The following GPC5 variants were observed in gnomAD, a reference collection of about 807,000 sequenced individuals.
GPC5 encodes the protein glypican-5.
A neutral mutation model predicts 53.9 loss-of-function variants in GPC5; 47 were observed. The ratio of observed to expected loss-of-function variants is 0.87; its 90% CI spans 0.69 to 1.11. The LOEUF (loss-of-function observed/expected upper bound fraction) is 1.11, where lower values mean the gene tolerates loss of function less well. Among genes scored for constraint, GPC5 ranks in the 50% most tolerant of loss-of-function variants. The pLI is 0.00. For missense variants in GPC5, 748 were observed against 713.1 expected, an observed-to-expected ratio of 1.05 and a Z score of -0.56; for synonymous variants, 286 against 263.3, an observed-to-expected ratio of 1.09 and a Z score of -0.84.
chr13:92,054,032 CAAAT>C (rs56703718), intron 6 of GPC5, among the ~76,000 whole-genome samples: 57,593 of 142,300 alleles, frequency 0.4, 12,420 homozygotes, highest in East Asian at 0.6. Flanking sequence ...AATTCCATTT[CAAAT>C]AAATAAATAA....
rs1566291628 is a variant in GPC5, at chr13:91,831,025, T to A, written c.1280+74605T>A. ...TATATCCTATTATATATATAACATATATATCCTATTATATATATTATATAT... is the reference window on the plus strand; with the variant it reads ...TATATCCTATTATATATATAACATAAATATCCTATTATATATATTATATAT... On this transcript the variant is annotated intron_variant, in intron 5 of 7. Coordinates refer to ENST00000377067, the MANE Select transcript of GPC5 (RefSeq NM_004466.6). Among the ~76,000 whole-genome samples, 3 of 138,624 alleles carry A rather than the reference T, an allele frequency of 2.2e-5. No individual in the cohort carries two copies. In the Admixed American group the frequency reaches 2.4e-4, roughly 11 times the overall value. 90.9% of individuals were successfully genotyped at this position (138,624 alleles called of 152,430 possible).
At chr13:91,530,007 C>T (rs1886264537) in intron 2 of GPC5, among the ~76,000 whole-genome samples, 1 of 152,090 alleles carries the variant, frequency 6.6e-6, no homozygotes, top group African/African-American at 2.4e-5. Flanking sequence ...GCTAAGCTCT[C>T]AAGTCTTCAG....
intron 5 of GPC5, among the ~76,000 whole-genome samples, chr13:91,820,689 C>A (rs367870223): frequency 6.6e-6 from 1 of 152,110 alleles, no homozygotes; most frequent in East Asian, 1.9e-4. Context: ...CAGGGCCGGG[C>A]GCGGTGGCTC....
At chr13:91,771,785 A>G (rs955970666) in intron 5 of GPC5, among the ~76,000 whole-genome samples, 1 of 152,236 alleles carries the variant, frequency 6.6e-6, no homozygotes, top group Non-Finnish European at 1.5e-5. Flanking sequence ...GAATCATCAT[A>G]TATTTTTACA....
At chr13:91,527,286 G>T (rs983321533) in intron 2 of GPC5, among the ~76,000 whole-genome samples, 1 of 152,190 alleles carries the variant, frequency 6.6e-6, no homozygotes, top group African/African-American at 2.4e-5. Flanking sequence ...AAATGTTCCT[G>T]TTCCAAATGA....
At chr13:92,480,242 A>G (rs1411289654) in intron 7 of GPC5, among the ~76,000 whole-genome samples, 1 of 152,210 alleles carries the variant, frequency 6.6e-6, no homozygotes, top group Admixed American at 6.5e-5. Context: ...TAAGATTTGT[A>G]TGGAGTTCAG....
At chr13:92,410,462 T>C (rs1476274163) in intron 7 of GPC5, among the ~76,000 whole-genome samples, 4 of 152,222 alleles carry the variant, frequency 2.6e-5, no homozygotes, top group Non-Finnish European at 5.9e-5. Flanking sequence ...TGAGGACAAC[T>C]GTACTACCAG....
intron 3 of GPC5, among the ~76,000 whole-genome samples, chr13:91,721,733 T>G (rs1227132944): frequency 1.3e-5 from 2 of 152,116 alleles, no homozygotes; most frequent in African/African-American, 4.8e-5. Context: ...GCATATAAAG[T>G]TTTTCCCTGT....
chr13:92,441,223 C>T (rs1223572136), intron 7 of GPC5, among the ~76,000 whole-genome samples: 1 of 152,170 alleles, frequency 6.6e-6, no homozygotes, highest in Non-Finnish European at 1.5e-5. Flanking sequence ...TGTGCACCAC[C>T]ACACCTGGCT....
intron 7 of GPC5, among the ~76,000 whole-genome samples, chr13:92,825,670 C>T (rs1465438029): frequency 6.6e-6 from 1 of 152,028 alleles, no homozygotes; most frequent in Non-Finnish European, 1.5e-5. Flanking sequence ...TTATATATGA[C>T]TTATTTAATT....
chr13:92,298,496 T>A (rs2043053837), intron 7 of GPC5, among the ~76,000 whole-genome samples: 2 of 152,216 alleles, frequency 1.3e-5, no homozygotes, highest in South Asian at 4.1e-4. Context: ...CGCAGGGATT[T>A]TCCCGCTGCT....
intron 7 of GPC5, among the ~76,000 whole-genome samples, chr13:92,573,016 CG>C (rs2139043120): frequency 6.6e-6 from 1 of 152,252 alleles, no homozygotes; most frequent in South Asian, 2.1e-4. Flanking sequence ...GGCTTTGATG[CG>C]ATCAATTTAA....
rs534183385 is a variant in GPC5, at chr13:91,685,232, G to C, written c.326-7955G>C. Among the ~76,000 whole-genome samples, 16 of 152,270 alleles carry C rather than the reference G, an allele frequency of 1.1e-4. No homozygotes were observed. In the South Asian group the frequency reaches 3.3e-3, roughly 32 times the overall value. ...AAGTGGGGGAGTCTCTGGAGCCCAG[G>C]CAGTTGAGGCTGCAGTGAGCCGAGA... On this transcript the variant is annotated intron_variant, in intron 2 of 7. Coordinates refer to ENST00000377067, the MANE Select transcript of GPC5 (RefSeq NM_004466.6).
intron 7 of GPC5, among the ~76,000 whole-genome samples, chr13:92,183,899 A>G (rs1035868813): frequency 3.9e-5 from 6 of 152,056 alleles, no homozygotes; most frequent in Non-Finnish European, 5.9e-5. Flanking sequence ...CATTTAGTTT[A>G]CCAATTTTCT....
chr13:91,619,943 A>G lies in GPC5; in HGVS notation c.326-73244A>G, dbSNP rs530479104. On this transcript the variant is annotated intron_variant, in intron 2 of 7. Transcript: ENST00000377067. Reference sequence around the variant, plus strand: ...TGATTCATACATGGCCATCAAATCTACCACCAGCCCCTGAGTGAGTTATTT... The same window carrying G: ...TGATTCATACATGGCCATCAAATCTGCCACCAGCCCCTGAGTGAGTTATTT... Among the ~76,000 whole-genome samples the G allele has an allele frequency of 5.9e-5, 9 of 152,268 alleles. No individual in the cohort carries two copies. The East Asian group carries it at 1.2e-3, about 20-fold the overall frequency.
intron 7 of GPC5, among the ~76,000 whole-genome samples, chr13:92,259,302 T>C (rs893614970): frequency 2.0e-5 from 3 of 152,204 alleles, no homozygotes; most frequent in Non-Finnish European, 1.5e-5. Flanking sequence ...CCGTTGTTTA[T>C]GGCTGGGTGG....
At chr13:92,720,248 T>C (rs1888468611) in intron 7 of GPC5, among the ~76,000 whole-genome samples, 1 of 152,194 alleles carries the variant, frequency 6.6e-6, no homozygotes, top group Admixed American at 6.6e-5. Context: ...GAGATGCCAT[T>C]GAAGGGCTGC....
chr13:91,614,079 G>GTAGTCA (rs2033632088), intron 2 of GPC5, among the ~76,000 whole-genome samples: 1 of 152,194 alleles, frequency 6.6e-6, no homozygotes, highest in Admixed American at 6.5e-5. Flanking sequence ...TATGCTGGAT[G>GTAGTCA]TAGTCATATT....
intron 7 of GPC5, among the ~76,000 whole-genome samples, chr13:92,480,069 T>C (rs1879291524): frequency 6.6e-6 from 1 of 152,070 alleles, no homozygotes; most frequent in Admixed American, 6.6e-5. Flanking sequence ...GGAGGATCAC[T>C]TGAGGCCAGG....
Sources: allele counts gnomAD v4.1 joint callset (sites outside exome capture counted in the v4.1 genomes callset), GRCh38; gene constraint gnomAD v4.1.1; transcripts MANE v1.5; gene names NCBI Gene and HGNC (gene_info 2026-07-23, HGNC 2026-07-21).